Variants in ESRRB observed in about 807,000 individuals in gnomAD.
The protein encoded by ESRRB is steroid hormone receptor ERR2.
ESRRB carries 16 observed loss-of-function variants against 46.0 expected under a neutral mutation model. That is an observed-to-expected ratio of 0.35 (90% CI 0.24 to 0.53). The LOEUF (loss-of-function observed/expected upper bound fraction) is 0.53. Ranked by LOEUF, ESRRB falls within the 20% of genes least tolerant of loss-of-function variation. The probability of loss-of-function intolerance (pLI) is 0.93; values close to 1 mark genes in which losing one functional copy is unlikely to be tolerated. For missense variants in ESRRB, 488 were observed against 607.4 expected (o/e 0.80, Z 2.07); for synonymous variants, 246 against 259.6 (o/e 0.95, Z 0.50).
chr14:76,333,014 T>A (rs1595047089), intron 1 of ESRRB, among the ~76,000 whole-genome samples: 1 of 12,622 alleles, frequency 7.9e-5, no homozygotes, highest in African/African-American at 2.8e-4. Context: ...ATTATATATT[T>A]ATATATTATA....
chr14:76,367,206 C>T (rs1298077228), upstream of ESRRB, among the ~76,000 whole-genome samples: 1 of 151,894 alleles, frequency 6.6e-6, no homozygotes, highest in Non-Finnish European at 1.5e-5. Flanking sequence ...ACCACTGCAT[C>T]CAGCCTCAGA....
intron 1 of ESRRB, among the ~76,000 whole-genome samples, chr14:76,358,793 T>C (rs1460118797): frequency 1.3e-5 from 2 of 152,234 alleles, no homozygotes. Flanking sequence ...TGTTTGAAGC[T>C]GAAGATATGG....
At position 76,499,250 on chromosome 14, in the gene ESRRB, G is replaced by A. The variant is rs1283491545; in HGVS notation, c.*792G>A. On this transcript the variant is annotated 3_prime_UTR_variant, in exon 7 of 7. Transcript: ENST00000644823. Reference sequence around the variant, plus strand: ...GACTCCAGGGGCTGTAGACAGGAACGCGCTGGCACAGAGAAGAGCGGGGAC... The same window carrying A: ...GACTCCAGGGGCTGTAGACAGGAACACGCTGGCACAGAGAAGAGCGGGGAC... 2 of 251,820 alleles carry A rather than the reference G, an allele frequency of 7.9e-6. No homozygotes were observed. The highest frequency in any genetic ancestry group is 1.6e-5 in the Non-Finnish European group (2 of 127,974). The allele number at this position is 251,820 out of a possible 1,614,324, so 15.6% of individuals were successfully genotyped here. A position where few individuals can be genotyped will look rare whatever the true frequency, so the allele number is the denominator to read the frequency against.
At chr14:76,464,696 G>T (rs1044379402) in intron 3 of ESRRB, among the ~76,000 whole-genome samples, 2 of 152,190 alleles carry the variant, frequency 1.3e-5, no homozygotes, top group Non-Finnish European at 2.9e-5. Context: ...AAGGCTGTCT[G>T]TTGGTTCATT....
upstream of ESRRB, among the ~76,000 whole-genome samples, chr14:76,367,725 G>A (rs75803949): frequency 2.9e-3 from 439 of 152,228 alleles, no homozygotes; most frequent in Non-Finnish European, 4.7e-3. Flanking sequence ...GAGGGAAGCT[G>A]ACTAAGAGAG....
chr14:76,354,904 G>A (rs764491789), intron 1 of ESRRB, among the ~76,000 whole-genome samples: 5 of 151,420 alleles, frequency 3.3e-5, no homozygotes, highest in African/African-American at 9.7e-5. Flanking sequence ...AGAGATGAAC[G>A]TTCACCATGT....
In ESRRB at chr14:76,482,293, A is replaced by G. The variant is rs1889838774; in HGVS notation, c.688+167A>G. 6.6e-6 allele frequency among the ~76,000 whole-genome samples: 1 copy of G among 152,180 alleles called. No individual in the cohort carries two copies. Among genetic ancestry groups the G allele is most frequent in the African/African-American group, 2.4e-5 (1 of 41,444 alleles). ...TTTAGAATGTGGCTCCAAATGAAGC[A>G]TGGTCCTGACAAGCCACGGGCCCCA... is the stretch of plus-strand genomic sequence containing the variant. On this transcript the variant is annotated intron_variant, in intron 4 of 6. Transcript: ENST00000644823. This position sits in a 1 kb window ranked among gnomAD's most constrained non-coding sequence, Gnocchi z 4.3.
chr14:76,396,167 G>A (rs560153109), intron 1 of ESRRB, among the ~76,000 whole-genome samples: 1 of 148,598 alleles, frequency 6.7e-6, no homozygotes, highest in South Asian at 2.2e-4. Context: ...GTGAGACTCC[G>A]TATCAAACAA....
At chr14:76,335,158 C>T (rs1381469829) in intron 1 of ESRRB, among the ~76,000 whole-genome samples, 3 of 152,192 alleles carry the variant, frequency 2.0e-5, no homozygotes, top group African/African-American at 7.2e-5. Flanking sequence ...GCACTGAGTC[C>T]ATTTGGAATG....
chr14:76,310,888 T>G, exon 1 of ESRRB: 1 of 454,610 alleles, frequency 2.2e-6, no homozygotes, highest in Non-Finnish European at 4.4e-6. Flanking sequence ...CCCAGCCCAG[T>G]CCTCGTCCTC....
intron 6 of ESRRB, 85 bp downstream of exon 6, chr14:76,491,801 G>A: frequency 7.0e-7 from 1 of 1,421,640 alleles, no homozygotes. Flanking sequence ...CTGTGGGCAG[G>A]GCTGGCTGCC....
intron 1 of ESRRB, among the ~76,000 whole-genome samples, chr14:76,401,464 C>T (rs1000492065): frequency 1.3e-5 from 2 of 152,212 alleles, no homozygotes; most frequent in Non-Finnish European, 1.5e-5. Flanking sequence ...GGGGAAACAG[C>T]TTCCTGGGGA....
rs945120466 is a variant in ESRRB, at chr14:76,498,305, T to G, written c.1212T>G (p.His404Gln). The G allele has an allele frequency of 1.2e-6, 2 of 1,613,420 alleles. No homozygotes were observed. Among genetic ancestry groups the G allele is most frequent in the African/African-American group, 2.7e-5 (2 of 75,038 alleles). ...AGGACTACGAGCTGAGCCAGCGCCA[T>G]GAGGAGCCCTGGAGGACGGGCAAGC... is the stretch of plus-strand genomic sequence containing the variant. Reference protein sequence around the residue: ...ALQDYELSQRHEEPWRTGKLL... With the variant: ...ALQDYELSQRQEEPWRTGKLL... The change falls in exon 7 of 7, where the codon CAT (histidine) becomes CAG (glutamine). Residue 404 changes from histidine to glutamine, a missense_variant. Transcript: ENST00000644823.
intron 1 of ESRRB, among the ~76,000 whole-genome samples, chr14:76,401,544 G>A (rs952583794): frequency 3.3e-5 from 5 of 152,216 alleles, no homozygotes; most frequent in Admixed American, 1.3e-4. Context: ...AGTTAATGAT[G>A]GGCTGCATAT....
At chr14:76,486,336 C>T (rs542888215) in intron 5 of ESRRB, among the ~76,000 whole-genome samples, 79 of 152,262 alleles carry the variant, frequency 5.2e-4, no homozygotes, top group Non-Finnish European at 9.4e-4. Context: ...TGCAGGGCAT[C>T]CCCAGAGGCC....
In ESRRB at chr14:76,499,025, G is replaced by A; in HGVS notation, c.*567G>A. 1 of 357,574 alleles carries A rather than the reference G, an allele frequency of 2.8e-6. No homozygotes were observed. Among genetic ancestry groups the A allele is most frequent in the Non-Finnish European group, 5.7e-6 (1 of 175,946 alleles). 22.2% of individuals were successfully genotyped at this position (357,574 alleles called of 1,614,324 possible). ...ACAGTTTCCACTCAGCTTTCAGCCA[G>A]GGGGTACCCACAGGAGAGCAGCGGC... On this transcript the variant is annotated 3_prime_UTR_variant, in exon 7 of 7. Transcript: ENST00000644823.
At chr14:76,342,896 T>A (rs1884208054) in intron 1 of ESRRB, among the ~76,000 whole-genome samples, 1 of 152,190 alleles carries the variant, frequency 6.6e-6, no homozygotes, top group East Asian at 1.9e-4. Context: ...TCAAGCCTTT[T>A]ATGTTCCAGT....
chr14:76,422,607 A>T (rs573090628), intron 1 of ESRRB, among the ~76,000 whole-genome samples: 26 of 152,304 alleles, frequency 1.7e-4, no homozygotes, highest in Non-Finnish European at 3.1e-4. Flanking sequence ...TGTACCCAAG[A>T]TTGCTGAGAT....
In ESRRB at chr14:76,491,595, C is replaced by T. The variant is rs1299911394; in HGVS notation, c.999C>T (p.Ser333=). The change falls in exon 6 of 7, where the codon TCC becomes TCT. Residue 333 remains serine, a synonymous_variant. Coordinates refer to ENST00000644823, the MANE Select transcript of ESRRB (RefSeq NM_001379180.1). The stretch of plus-strand genomic sequence containing the variant: ...ACTACATCATGGATGAGGAGCACTC[C>T]CGCCTCGCGGGGCTGCTGGAGCTCT... ...AEDYIMDEEH[S]RLAGLLELYR... is the part of the protein sequence containing the mutation. The T allele has an allele frequency of 6.3e-7, 1 of 1,588,118 alleles. No homozygotes were observed. The highest frequency in any genetic ancestry group is 1.3e-5 in the African/African-American group (1 of 74,782).
Sources: gnomAD v4.1 joint callset for allele counts (sites outside exome capture counted in the v4.1 genomes callset) on GRCh38, gnomAD v4.1.1 for gene constraint, Gnocchi (gnomAD v3.1) non-coding constraint, MANE v1.5 for transcripts, NCBI Gene and HGNC (gene_info 2026-07-23, HGNC 2026-07-21) for gene names.